The following ZNF716 variants were observed in gnomAD, a reference collection of about 807,000 sequenced individuals.
The protein encoded by ZNF716 is zinc finger protein 716.
In ZNF716, 9 loss-of-function variants were observed where a neutral mutation model predicts 13.4. The observed-to-expected ratio is 0.67, with a 90% CI of 0.41 to 1.18. The LOEUF is 1.18. Among genes scored for constraint, ZNF716 ranks in the 50% most tolerant of loss-of-function variants. The pLI, the probability that ZNF716 is intolerant of heterozygous loss-of-function variation, is 0.01. For synonymous variants in ZNF716, 186 were observed against 195.2 expected (o/e 0.95, Z 0.39); for missense variants, 581 against 576.6 (o/e 1.01, Z -0.08).
rs1789951560 is a variant in ZNF716 at position 57,472,018 on chromosome 7, C to T, written c.*2069C>T. The T allele has an allele frequency of 6.6e-6, 1 of 152,162 alleles. No homozygotes were observed. The highest frequency in any genetic ancestry group is 2.4e-5 in the African/African-American group (1 of 41,444). The allele number at this position is 152,162 out of a possible 1,614,324, so 9.4% of individuals were successfully genotyped here. A position where few individuals can be genotyped will look rare whatever the true frequency, so the allele number is the denominator to read the frequency against. Reference sequence around the variant, plus strand: ...TCAAATTACTTCATGTTGATCCTTTCTTCCCATTGTTTCTGTGAAAGTATT... The same window carrying T: ...TCAAATTACTTCATGTTGATCCTTTTTTCCCATTGTTTCTGTGAAAGTATT... On this transcript the variant is annotated 3_prime_UTR_variant, in exon 4 of 4. Coordinates refer to ENST00000420713, the MANE Select transcript of ZNF716 (RefSeq NM_001159279.1).
chr7:57,450,248 A>G lies in ZNF716; in HGVS notation c.-41A>G, dbSNP rs1554321329. The G allele has an allele frequency of 6.2e-7, 1 of 1,613,518 alleles. No individual in the cohort carries two copies. Among genetic ancestry groups the G allele is most frequent in the East Asian group, 2.2e-5 (1 of 44,850 alleles). On this transcript the variant is annotated 5_prime_UTR_variant, in exon 1 of 4. Coordinates refer to ENST00000420713, the MANE Select transcript of ZNF716 (RefSeq NM_001159279.1). Reference sequence around the variant, plus strand: ...TCTGCGTCCTCTGCTCCTGGAGGCCAAGCCTCTGTGGCCTTGTGTCCTGCA... The same window carrying G: ...TCTGCGTCCTCTGCTCCTGGAGGCCGAGCCTCTGTGGCCTTGTGTCCTGCA...
At chr7:57,453,780 C>G (rs1260268991) in intron 1 of ZNF716, among the ~76,000 whole-genome samples, 1 of 152,208 alleles carries the variant, frequency 6.6e-6, no homozygotes, top group Non-Finnish European at 1.5e-5. Flanking sequence ...ATCAAAACAT[C>G]AGTCTCTCTT....
Position 57,469,179 on chromosome 7 carries a change from C to T in ZNF716, c.718C>T (p.Pro240Ser). Residue 240 changes from proline to serine, a missense_variant, in exon 4 of 4, where the codon CCC (proline) becomes TCC (serine). Physicochemically the swap from Pro to Ser is moderately conservative, Grantham distance 74. Transcript: ENST00000420713. Reference sequence around the variant, plus strand: ...TAAAAGAATTCATACTGGAGAGAAACCCTACAGATGTGAGGAATGTGGCAA... The same window carrying T: ...TAAAAGAATTCATACTGGAGAGAAATCCTACAGATGTGAGGAATGTGGCAA... The part of the protein sequence containing the change: ...RHKRIHTGEK[P>S]YRCEECGKAF... 1 of 1,612,590 alleles carries T rather than the reference C, an allele frequency of 6.2e-7. No individual in the cohort carries two copies. Among genetic ancestry groups the T allele is most frequent in the Non-Finnish European group, 8.5e-7 (1 of 1,179,304 alleles).
intron 3 of ZNF716, among the ~76,000 whole-genome samples, chr7:57,465,092 A>G (rs1474131226): frequency 6.6e-6 from 1 of 152,196 alleles, no homozygotes; most frequent in Non-Finnish European, 1.5e-5. Flanking sequence ...TTAGTAATAA[A>G]TATACTTTTA....
At chr7:57,463,021 A>G in intron 2 of ZNF716, 52 bp from the exon 3 acceptor site, 1 of 1,593,386 alleles carries the variant, frequency 6.3e-7, no homozygotes, top group East Asian at 2.2e-5. Context: ...CTTGTTTGGT[A>G]ATTAAAGAAT....
chr7:57,464,418 G>C (rs1412334893), intron 3 of ZNF716, among the ~76,000 whole-genome samples: 1 of 151,946 alleles, frequency 6.6e-6, no homozygotes, highest in Non-Finnish European at 1.5e-5. Context: ...ACTGCACCCG[G>C]CTCACTTGTC....
chr7:57,463,287 CAG>C (rs1583720479), intron 3 of ZNF716, 119 bp downstream of exon 3: 1 of 1,391,948 alleles, frequency 7.2e-7, no homozygotes, highest in Non-Finnish European at 9.7e-7. Context: ...TCTGAGAAGC[CAG>C]AGTCATTTTT....
At chr7:57,467,917 C>A (rs4604379) in intron 3 of ZNF716, among the ~76,000 whole-genome samples, 52,751 of 151,490 alleles carry the variant, frequency 0.35, 9,498 homozygotes, top group Admixed American at 0.41. Flanking sequence ...TTAATAGTTT[C>A]TTTTTCAAAA....
intron 1 of ZNF716, among the ~76,000 whole-genome samples, chr7:57,453,074 T>C (rs1407405068): frequency 6.6e-6 from 1 of 152,080 alleles, no homozygotes; most frequent in Non-Finnish European, 1.5e-5. Flanking sequence ...GACATATTGC[T>C]GGTCAGCCAA....
In ZNF716 at chr7:57,472,767, T is replaced by A. The variant is rs1354148612; in HGVS notation, c.*2818T>A. On this transcript the variant is annotated 3_prime_UTR_variant, in exon 4 of 4. Transcript: ENST00000420713. ...CAGGCATGAGCCACCATGCCTGGCC[T>A]ACTAGAGGTTTTACACAGCAAACAA... 1 of 152,182 alleles carries A rather than the reference T, an allele frequency of 6.6e-6. No homozygotes were observed. Among genetic ancestry groups the A allele is most frequent in the African/African-American group, 2.4e-5 (1 of 41,448 alleles). The allele number at this position is 152,182 out of a possible 1,614,324, so 9.4% of individuals were successfully genotyped here. A position where few individuals can be genotyped will look rare whatever the true frequency, so the allele number is the denominator to read the frequency against.
intron 3 of ZNF716, 71 bp from the exon 4 acceptor site, chr7:57,468,653 A>G: frequency 2.1e-6 from 3 of 1,448,646 alleles, no homozygotes; most frequent in East Asian, 2.3e-5. Flanking sequence ...ATAATTTTAT[A>G]TATTTGATTT....
intron 3 of ZNF716, 122 bp from the exon 4 acceptor site, chr7:57,468,602 C>A: frequency 1.0e-6 from 1 of 977,416 alleles, no homozygotes. Flanking sequence ...GGAATTACGG[C>A]TTGTGGTATT....
chr7:57,451,788 A>T (rs1290675096), intron 1 of ZNF716, among the ~76,000 whole-genome samples: 2 of 135,462 alleles, frequency 1.5e-5, no homozygotes, highest in African/African-American at 5.6e-5. Flanking sequence ...TTTTTTTGAG[A>T]TGGAGTCTCA....
At chr7:57,459,903 T>C (rs371930174) in intron 1 of ZNF716, among the ~76,000 whole-genome samples, 2 of 152,306 alleles carry the variant, frequency 1.3e-5, no homozygotes, top group African/African-American at 2.4e-5. Flanking sequence ...GTGAATGTTT[T>C]CTGCAAGTCT....
intron 1 of ZNF716, among the ~76,000 whole-genome samples, chr7:57,460,394 CAAAAAA>C (rs71565809): frequency 1.2e-5 from 1 of 85,502 alleles, no homozygotes; most frequent in Non-Finnish European, 2.2e-5. Flanking sequence ...GACTGTGTCT[CAAAAAA>C]AAAAAAAAAA....
At chr7:57,453,820 C>T (rs185165195) in intron 1 of ZNF716, among the ~76,000 whole-genome samples, 2 of 152,102 alleles carry the variant, frequency 1.3e-5, no homozygotes, top group Admixed American at 6.5e-5. Context: ...ACAGTAAAAC[C>T]TGTGTTCTAC....
At position 57,462,451 on chromosome 7, in the gene ZNF716, T is replaced by G; in HGVS notation, c.40-9T>G. The G allele has an allele frequency of 1.2e-6, 2 of 1,612,972 alleles. No homozygotes were observed. The highest frequency in any genetic ancestry group is 1.7e-6 in the Non-Finnish European group (2 of 1,179,492). On this transcript the variant is annotated splice_polypyrimidine_tract_variant and intron_variant, in intron 1 of 3. Transcript: ENST00000420713. ...GTGTTTTTTTTGTTTGTTTATTTTT[T>G]GTTTTTAGGGACTGTTGACATTCAG...
rs1554325319 is a variant in ZNF716, at chr7:57,471,672, G to T, written c.*1723G>T. 2 of 152,082 alleles carry T rather than the reference G, an allele frequency of 1.3e-5. No individual in the cohort carries two copies. The highest frequency in any genetic ancestry group is 4.8e-5 in the African/African-American group (2 of 41,426). 9.4% of individuals were successfully genotyped at this position (152,082 alleles called of 1,614,324 possible). On this transcript the variant is annotated 3_prime_UTR_variant, in exon 4 of 4. Coordinates refer to ENST00000420713, the MANE Select transcript of ZNF716 (RefSeq NM_001159279.1). ...TGTAAATGAATGTCAAAAAATATTT[G>T]TTCAAAAACTACAGTTTAGAAAACA...
At chr7:57,462,996 T>G in intron 2 of ZNF716, 77 bp from the exon 3 acceptor site, 1 of 1,555,492 alleles carries the variant, frequency 6.4e-7, no homozygotes, top group South Asian at 1.2e-5. Context: ...CATATCCTCT[T>G]TACTAAGCAT....
Sources: gnomAD v4.1 joint callset for allele counts (sites outside exome capture counted in the v4.1 genomes callset) on GRCh38, gnomAD v4.1.1 for gene constraint, MANE v1.5 for transcripts, NCBI Gene and HGNC (gene_info 2026-07-23, HGNC 2026-07-21) for gene names.